Variants in VRTN observed in about 807,000 individuals in gnomAD.
VRTN encodes vertnin.
In VRTN, 5 loss-of-function variants were observed where a neutral mutation model predicts 18.2. The observed-to-expected ratio is 0.27, with a 90% CI of 0.14 to 0.58. The LOEUF is 0.58. VRTN is among the 20% of genes least tolerant of loss of function. VRTN has a pLI of 0.91. For missense variants in VRTN, 741 were observed against 939.4 expected (o/e 0.79, Z 2.76); for synonymous variants, 381 against 393.7 (o/e 0.97, Z 0.38).
At chr14:74,312,138 T>C (rs2085392336) in intron 1 of VRTN, among the ~76,000 whole-genome samples, 2 of 152,220 alleles carry the variant, frequency 1.3e-5, no homozygotes, top group South Asian at 4.1e-4. Context: ...TGTCAAATTG[T>C]GCCATCATAA....
intron 1 of VRTN, chr14:74,306,172 A>ATATTTTT (rs1303177798): frequency 1.3e-5 from 1 of 75,640 alleles, no homozygotes; most frequent in African/African-American, 4.8e-5. Context: ...ATATATATAT[A>ATATTTTT]TTTTTTTTTT....
In VRTN at chr14:74,358,619, G is replaced by A; in HGVS notation, c.1836G>A (p.Gly612=). 6.2e-7 allele frequency: 1 copy of A among 1,602,498 alleles called. No individual in the cohort carries two copies. The highest frequency in any genetic ancestry group is 8.5e-7 in the Non-Finnish European group (1 of 1,173,746). The stretch of plus-strand genomic sequence containing the variant: ...CCAGAGAGGGGGCCCTGCAGGAGGG[G>A]GCCACAGCCCAGGGCCAGCCCCACA... ...GPSREGALQE[G]ATAQGQPHSG... The change falls in exon 2 of 2, where the codon GGG becomes GGA. Residue 612 remains glycine (G), a synonymous_variant. Coordinates refer to ENST00000256362, the MANE Select transcript of VRTN (RefSeq NM_018228.3). This position sits in a 1 kb window ranked among gnomAD's most constrained non-coding sequence, Gnocchi z 5.4.
chr14:74,324,046 T>C (rs1350246002), intron 1 of VRTN, among the ~76,000 whole-genome samples: 1 of 152,056 alleles, frequency 6.6e-6, no homozygotes, highest in Non-Finnish European at 1.5e-5. Context: ...GAGAGCTTCA[T>C]GTAAAGTGCT....
chr14:74,310,437 G>A (rs2085380478), intron 1 of VRTN, among the ~76,000 whole-genome samples: 1 of 149,618 alleles, frequency 6.7e-6, no homozygotes, highest in Admixed American at 6.7e-5. Context: ...CATTGCCATA[G>A]TGATTCAGAA....
intron 1 of VRTN, among the ~76,000 whole-genome samples, chr14:74,307,518 T>C (rs1255971075): frequency 3.3e-5 from 5 of 152,072 alleles, no homozygotes; most frequent in African/African-American, 1.2e-4. Flanking sequence ...TCAATTCAGC[T>C]TTCACAATAA....
At chr14:74,355,334 T>C (rs1313504642) in intron 1 of VRTN, among the ~76,000 whole-genome samples, 1 of 152,138 alleles carries the variant, frequency 6.6e-6, no homozygotes, top group Non-Finnish European at 1.5e-5. Flanking sequence ...TTAGACTTTC[T>C]TTCAAGTAAA....
At chr14:74,355,128 C>T (rs190768036) in intron 1 of VRTN, among the ~76,000 whole-genome samples, 30 of 116,754 alleles carry the variant, frequency 2.6e-4, no homozygotes, top group East Asian at 4.6e-4. Context: ...GGTGACAGAA[C>T]GAGACTCAGT....
At chr14:74,354,624 C>G (rs923209943) in intron 1 of VRTN, among the ~76,000 whole-genome samples, 2 of 151,818 alleles carry the variant, frequency 1.3e-5, no homozygotes. Flanking sequence ...AGGATGGTCT[C>G]GATCTCCTGA....
chr14:74,340,110 A>AT (rs71115984), intron 2 of VRTN, among the ~76,000 whole-genome samples: 25,947 of 113,178 alleles, frequency 0.23, 3,182 homozygotes, highest in Middle Eastern at 0.36. Context: ...TAATGTTTGT[A>AT]TTTTTTTTTT....
At chr14:74,331,004 C>T (rs139988113) in intron 1 of VRTN, among the ~76,000 whole-genome samples, 2,632 of 149,902 alleles carry the variant, frequency 0.018, 22 homozygotes, top group Non-Finnish European at 0.028. Flanking sequence ...TCGAGACCAT[C>T]CTGGCTAACA....
chr14:74,347,340 G>T (rs948877357), upstream of VRTN, among the ~76,000 whole-genome samples: 3 of 152,234 alleles, frequency 2.0e-5, no homozygotes, highest in Admixed American at 6.5e-5. Flanking sequence ...GGTGGGGCGG[G>T]TGTGATTAAG....
chr14:74,357,470 C>T lies in VRTN; in HGVS notation c.687C>T (p.Ser229=). 2 of 1,612,170 alleles carry T rather than the reference C, an allele frequency of 1.2e-6. No individual in the cohort carries two copies. The highest frequency in any genetic ancestry group is 1.7e-6 in the Non-Finnish European group (2 of 1,180,024). ...HIMWAGQPLT[S]HFFRHQYFAP... ...TGTGGGCTGGCCAGCCCCTCACCAG[C>T]CACTTCTTCCGCCACCAGTACTTTG... The change falls in exon 2 of 2, where the codon AGC becomes AGT. Residue 229 remains serine (S), a synonymous_variant. Transcript: ENST00000256362. The surrounding 1 kb of genome is among the most constrained non-coding windows in gnomAD (Gnocchi z 7.8).
chr14:74,337,532 G>T (rs1229918469), intron 1 of VRTN, among the ~76,000 whole-genome samples: 1 of 152,096 alleles, frequency 6.6e-6, no homozygotes, highest in Non-Finnish European at 1.5e-5. Context: ...CGTTGAGTTT[G>T]GCCTTGTGGT....
chr14:74,322,697 T>C (rs1015425721), intron 1 of VRTN, among the ~76,000 whole-genome samples: 8 of 152,192 alleles, frequency 5.3e-5, no homozygotes, highest in Admixed American at 2.6e-4. Context: ...TGTTTTCTTG[T>C]CAATGTCCTG....
Position 74,333,845 on chromosome 14 carries a change from A to T in VRTN, c.-163-3878A>T, listed in dbSNP as rs533266049. Among the ~76,000 whole-genome samples, 363 of 147,048 alleles carry T rather than the reference A, an allele frequency of 2.5e-3. 3 individuals are homozygous for T. Among genetic ancestry groups the T allele is most frequent in the Non-Finnish European group, 4.0e-3 (272 of 67,842 alleles). ...ACAGAGCGAGACTCTGTCTCAAAAA[A>T]AAATAAATAAAAATAAATAAATAAA... On this transcript the variant is annotated intron_variant, in intron 1 of 2. Transcript: ENST00000557177.
intron 1 of VRTN, among the ~76,000 whole-genome samples, chr14:74,334,934 A>T (rs972614522): frequency 6.6e-6 from 1 of 152,132 alleles, no homozygotes; most frequent in African/African-American, 2.4e-5. Context: ...GAAGACAAAG[A>T]GTATGATTCC....
At chr14:74,304,075 T>A (rs1376522111) in intron 1 of VRTN, among the ~76,000 whole-genome samples, 5 of 151,958 alleles carry the variant, frequency 3.3e-5, no homozygotes, top group Non-Finnish European at 7.4e-5. Flanking sequence ...GGTCTTGAAC[T>A]CCTAACCTCA....
chr14:74,339,038 CT>C (rs61338897), intron 2 of VRTN, among the ~76,000 whole-genome samples: 22 of 150,676 alleles, frequency 1.5e-4, no homozygotes, highest in Admixed American at 1.2e-3. Flanking sequence ...TTTTTCTTTT[CT>C]TTTTTTTTGA....
At chr14:74,350,747 G>A (rs1454597659) in intron 1 of VRTN, among the ~76,000 whole-genome samples, 1 of 152,178 alleles carries the variant, frequency 6.6e-6, no homozygotes, top group African/African-American at 2.4e-5. Context: ...TAGGGATCCT[G>A]TAGATAGCGT....
Sources: allele counts gnomAD v4.1 joint callset (sites outside exome capture counted in the v4.1 genomes callset), GRCh38; gene constraint gnomAD v4.1.1; non-coding constraint Gnocchi (gnomAD v3.1); transcripts MANE v1.5; gene names NCBI Gene and HGNC (gene_info 2026-07-23, HGNC 2026-07-21).